Variants in TRDN observed in about 807,000 individuals in gnomAD.
TRDN encodes triadin.
A neutral mutation model predicts 149.7 loss-of-function variants in TRDN; 161 were observed. The observed-to-expected ratio is 1.08, with a 90% confidence interval of 0.95 to 1.23. The LOEUF is 1.23. TRDN is among the 50% of genes most tolerant of loss of function. The pLI, the probability that TRDN is intolerant of heterozygous loss-of-function variation, is 0.00. For missense variants in TRDN, 896 were observed against 823.5 expected (o/e 1.09, Z -1.08); for synonymous variants, 294 against 250.5 (o/e 1.17, Z -1.64).
intron 23 of TRDN, among the ~76,000 whole-genome samples, chr6:123,329,238 A>G (rs754970903): frequency 2.0e-5 from 3 of 152,138 alleles, no homozygotes; most frequent in Non-Finnish European, 4.4e-5. Flanking sequence ...ACATGGTTCT[A>G]CCTTTACTCA....
Position 123,229,246 on chromosome 6 carries a change from T to C in TRDN, c.1976-5115A>G, listed in dbSNP as rs923165901. ...CATTTTAATCAAGGACTAGGTTTTG[T>C]ATAACTCTTCAATACTTATTTAATT... On this transcript the variant is annotated intron_variant, in intron 38 of 40. Coordinates refer to ENST00000334268, the MANE Select transcript of TRDN (RefSeq NM_006073.4). 6.6e-5 allele frequency among the ~76,000 whole-genome samples: 10 copies of C among 151,946 alleles called. No individual in the cohort carries two copies. The East Asian group carries it at 1.9e-3, about 29-fold the overall frequency.
intron 5 of TRDN, chr6:123,529,062 A>G (rs1780086452): frequency 1.4e-6 from 2 of 1,422,654 alleles, no homozygotes; most frequent in African/African-American, 1.4e-5. Context: ...CTTTGACATC[A>G]GAATTCTAAT....
rs1776939942 is a variant in TRDN at position 123,468,070 on chromosome 6, T to C, written c.854-3087A>G. On this transcript the variant is annotated intron_variant, in intron 9 of 40. Transcript: ENST00000334268. ...CAGATACTCAAAATATTAATTCTTTTCCCGATAATGTATTTACAATTTAAA... is the reference window on the plus strand; with the variant it reads ...CAGATACTCAAAATATTAATTCTTTCCCCGATAATGTATTTACAATTTAAA... Among the ~76,000 whole-genome samples, 5 of 152,248 alleles carry C rather than the reference T, an allele frequency of 3.3e-5. No homozygotes were observed. The South Asian group carries it at 8.3e-4, about 25-fold the overall frequency.
Position 123,255,137 on chromosome 6 carries a change from GA to G in TRDN, c.1907-13del. On this transcript the variant is annotated splice_polypyrimidine_tract_variant and intron_variant, in intron 36 of 40. Transcript: ENST00000334268. ...TTTTCTTGTTGAGACTGTTAATAAG[GA>G]AAATGTAAATTAAAATATAAATTTT... 3 of 1,194,968 alleles carry G rather than the reference GA, an allele frequency of 2.5e-6. No individual in the cohort carries two copies. The highest frequency in any genetic ancestry group is 2.7e-5 in the Admixed American group (1 of 36,438). 74.0% of individuals were successfully genotyped at this position (1,194,968 alleles called of 1,614,324 possible). A position where few individuals can be genotyped will look rare whatever the true frequency, so the allele number is the denominator to read the frequency against.
chr6:123,238,546 A>G (rs1582759464), intron 38 of TRDN, among the ~76,000 whole-genome samples: 2 of 152,298 alleles, frequency 1.3e-5, no homozygotes, highest in Non-Finnish European at 2.9e-5. Flanking sequence ...AAGCATTGAG[A>G]GAGCATGAGA....
At chr6:123,614,307 A>C (rs564120384) in intron 1 of TRDN, among the ~76,000 whole-genome samples, 65 of 146,760 alleles carry the variant, frequency 4.4e-4, no homozygotes, top group Non-Finnish European at 5.8e-4. Context: ...AAACAAAAAA[A>C]AAAAAAACAA....
At chr6:123,578,781 A>T (rs1471382777) in intron 1 of TRDN, among the ~76,000 whole-genome samples, 2 of 152,036 alleles carry the variant, frequency 1.3e-5, no homozygotes, top group African/African-American at 4.8e-5. Flanking sequence ...TTTATCCGTG[A>T]GCATGGGATG....
At chr6:123,520,778 G>A (rs905459811) in intron 5 of TRDN, among the ~76,000 whole-genome samples, 3 of 152,096 alleles carry the variant, frequency 2.0e-5, no homozygotes, top group Non-Finnish European at 2.9e-5. Flanking sequence ...TTTCTCATAA[G>A]TGAACATTCA....
intron 12 of TRDN, among the ~76,000 whole-genome samples, chr6:123,432,498 G>A (rs1774374596): frequency 1.3e-5 from 2 of 150,272 alleles, no homozygotes; most frequent in South Asian, 2.1e-4. Context: ...TTATCTTTTC[G>A]ATTTCTGCTT....
chr6:123,303,574 T>G (rs1350453247), intron 24 of TRDN, among the ~76,000 whole-genome samples: 2 of 152,122 alleles, frequency 1.3e-5, no homozygotes, highest in African/African-American at 4.8e-5. Context: ...AATTCGAGGT[T>G]AGATGAATAA....
chr6:123,621,980 T>C (rs1785405726), intron 1 of TRDN, among the ~76,000 whole-genome samples: 1 of 152,170 alleles, frequency 6.6e-6, no homozygotes, highest in Non-Finnish European at 1.5e-5. Flanking sequence ...CAGTTGACTC[T>C]TGAACAACAT....
intron 38 of TRDN, among the ~76,000 whole-genome samples, chr6:123,249,039 C>T (rs563130122): frequency 1.3e-5 from 2 of 152,154 alleles, no homozygotes; most frequent in South Asian, 2.1e-4. Flanking sequence ...AGGATTCATC[C>T]CAGGGATGCA....
At chr6:123,229,753 A>G (rs981891489) in intron 38 of TRDN, among the ~76,000 whole-genome samples, 12 of 152,026 alleles carry the variant, frequency 7.9e-5, no homozygotes, top group Admixed American at 7.9e-4. Context: ...TCTAATTACA[A>G]TTGGCTGATA....
intron 4 of TRDN, among the ~76,000 whole-genome samples, chr6:123,542,997 T>C (rs540754065): frequency 7.9e-4 from 120 of 152,226 alleles, no homozygotes; most frequent in African/African-American, 2.7e-3. Context: ...ATCATTACTA[T>C]TATTCACATT....
chr6:123,614,103 G>T (rs1784945869), intron 1 of TRDN, among the ~76,000 whole-genome samples: 2 of 151,806 alleles, frequency 1.3e-5, no homozygotes, highest in Non-Finnish European at 2.9e-5. Context: ...TGTTAGGAAT[G>T]CAGGTTCTCA....
chr6:123,516,913 A>G (rs1197073300), intron 5 of TRDN, among the ~76,000 whole-genome samples: 2 of 152,058 alleles, frequency 1.3e-5, no homozygotes, highest in African/African-American at 2.4e-5. Flanking sequence ...TCTTTCAATC[A>G]TGTCTTTTTG....
intron 24 of TRDN, among the ~76,000 whole-genome samples, chr6:123,290,632 T>C (rs930941673): frequency 6.6e-6 from 1 of 152,178 alleles, no homozygotes; most frequent in Non-Finnish European, 1.5e-5. Context: ...ACTTATTGTG[T>C]GGTTTAAAGT....
At chr6:123,457,870 C>T (rs971180268) in intron 10 of TRDN, among the ~76,000 whole-genome samples, 9 of 152,156 alleles carry the variant, frequency 5.9e-5, no homozygotes, top group African/African-American at 9.7e-5. Context: ...AGATTCCATT[C>T]GTAATCTAGT....
At chr6:123,303,125 C>G (rs1778488664) in intron 24 of TRDN, among the ~76,000 whole-genome samples, 1 of 152,068 alleles carries the variant, frequency 6.6e-6, no homozygotes, top group African/African-American at 2.4e-5. Context: ...TGTCAAATCA[C>G]TTAGAAGTTA....
Sources: allele counts gnomAD v4.1 joint callset (sites outside exome capture counted in the v4.1 genomes callset), GRCh38; gene constraint gnomAD v4.1.1; transcripts MANE v1.5; gene names NCBI Gene and HGNC (gene_info 2026-07-23, HGNC 2026-07-21).